Variants in DNAL4 observed in about 807,000 individuals in gnomAD.
DNAL4 encodes dynein axonemal light chain 4.
Under a neutral mutation model 12.6 loss-of-function variants are expected in DNAL4, and 10 were observed. The ratio of observed to expected loss-of-function variants is 0.79; its 90% CI spans 0.49 to 1.34. DNAL4 has a LOEUF of 1.34. Ranked by LOEUF, DNAL4 falls within the 40% of genes most tolerant of loss-of-function variation. The pLI is 0.00. For synonymous variants in DNAL4, 46 were observed against 53.1 expected (o/e 0.87, Z 0.58); for missense variants, 128 against 138.1 (o/e 0.93, Z 0.37).
rs1252541433 is a variant in DNAL4 at position 38,781,168 on chromosome 22, C to G, written c.70-159G>C. On this transcript the variant is annotated intron_variant, in intron 2 of 3. Transcript: ENST00000216068. ...CCATCTCCTGACTGAGGGCCTGCAGCTGGGGCAAAGGCATGGCATGGAGCT... is the reference window on the plus strand; with the variant it reads ...CCATCTCCTGACTGAGGGCCTGCAGGTGGGGCAAAGGCATGGCATGGAGCT... Among the ~76,000 whole-genome samples the G allele has an allele frequency of 2.0e-5, 3 of 152,240 alleles. No homozygotes were observed. The East Asian group carries it at 5.8e-4, about 29-fold the overall frequency.
chr22:38,793,516 A>G (rs1285872845), intron 1 of DNAL4, among the ~76,000 whole-genome samples: 3 of 152,174 alleles, frequency 2.0e-5, no homozygotes, highest in African/African-American at 7.2e-5. Context: ...ATTGGGGAGC[A>G]CATCCTCTCG....
chr22:38,788,663 C>G (rs2146169362), intron 1 of DNAL4, among the ~76,000 whole-genome samples: 1 of 152,310 alleles, frequency 6.6e-6, no homozygotes, highest in African/African-American at 2.4e-5. Context: ...AAGTCACAAC[C>G]ATCACAGCTA....
At chr22:38,781,370 G>A (rs2093034069) in intron 2 of DNAL4, among the ~76,000 whole-genome samples, 1 of 152,222 alleles carries the variant, frequency 6.6e-6, no homozygotes, top group African/African-American at 2.4e-5. Context: ...CGCTCTCTGG[G>A]GCCCCTGGTT....
rs1047034933 is a variant in DNAL4 at position 38,785,346 on chromosome 22, G to A, written c.-139-2476C>T. ...GTTTATCTCTGAGAATTTCAAGGGG[G>A]AACAATGAAAAATGTGGAAGCAGCT... is the stretch of plus-strand genomic sequence containing the variant. On this transcript the variant is annotated intron_variant, in intron 1 of 3. Transcript: ENST00000216068. 3 of 152,190 alleles carry A rather than the reference G, an allele frequency of 2.0e-5. No homozygotes were observed. In the East Asian group the frequency reaches 5.8e-4, roughly 29 times the overall value. The allele number at this position is 152,190 out of a possible 1,614,324, so 9.4% of individuals were successfully genotyped here.
chr22:38,782,797 G>T lies in DNAL4; in HGVS notation c.-66C>A. 1 of 1,485,332 alleles carries T rather than the reference G, an allele frequency of 6.7e-7. No homozygotes were observed. Among genetic ancestry groups the T allele is most frequent in the South Asian group, 1.3e-5 (1 of 78,648 alleles). 92.0% of individuals were successfully genotyped at this position (1,485,332 alleles called of 1,614,324 possible). On this transcript the variant is annotated 5_prime_UTR_variant, in exon 2 of 4. Coordinates refer to ENST00000216068, the MANE Select transcript of DNAL4 (RefSeq NM_005740.3). This position sits in a 1 kb window ranked among gnomAD's most constrained non-coding sequence, Gnocchi z 5.1. ...AGGAGGTGCTGGGACTGGCAGTTAA[G>T]ACACACCCAGGAGATTCAGGAAGCA...
At chr22:38,786,971 G>A (rs2093043175) in intron 1 of DNAL4, among the ~76,000 whole-genome samples, 1 of 152,144 alleles carries the variant, frequency 6.6e-6, no homozygotes, top group South Asian at 2.1e-4. Flanking sequence ...AAATGAATGC[G>A]TTCTGGGAAA....
chr22:38,779,433 G>C lies in DNAL4; in HGVS notation c.*16C>G, dbSNP rs191545066. 5.8e-4 allele frequency: 908 copies of C among 1,560,320 alleles called. 5 individuals are homozygous for C. The African/African-American group carries it at 0.01, about 17-fold the overall frequency. ...CAGGAAAAGGCCCTGCAGGGGACGGGGCAGGGGACAGAGTGTCAGGAGCAC... is the reference window on the plus strand; with the variant it reads ...CAGGAAAAGGCCCTGCAGGGGACGGCGCAGGGGACAGAGTGTCAGGAGCAC... On this transcript the variant is annotated 3_prime_UTR_variant, in exon 4 of 4. Transcript: ENST00000216068. This position sits in a 1 kb window ranked among gnomAD's most constrained non-coding sequence, Gnocchi z 4.3.
intron 3 of DNAL4, 23 bp downstream of exon 3, chr22:38,780,903 G>A (rs769238690): frequency 1.2e-6 from 2 of 1,613,438 alleles, no homozygotes; most frequent in Non-Finnish European, 1.7e-6. Flanking sequence ...AGCACGAGGG[G>A]CCGCCTGCAC....
At chr22:38,780,461 C>T (rs964591472) in intron 3 of DNAL4, among the ~76,000 whole-genome samples, 11 of 152,228 alleles carry the variant, frequency 7.2e-5, no homozygotes, top group Non-Finnish European at 1.0e-4. Flanking sequence ...CACCGGCTGC[C>T]GCAACACTGA....
chr22:38,793,471 T>C (rs1036031891), intron 1 of DNAL4, among the ~76,000 whole-genome samples: 1 of 152,104 alleles, frequency 6.6e-6, no homozygotes, highest in African/African-American at 2.4e-5. Context: ...CAAATTAGGT[T>C]TGCCAAGTTA....
intron 3 of DNAL4, among the ~76,000 whole-genome samples, chr22:38,780,117 A>T (rs2093031998): frequency 6.6e-6 from 1 of 152,046 alleles, no homozygotes; most frequent in South Asian, 2.1e-4. Flanking sequence ...CTCTTTCAAG[A>T]CGTGCCCCCT....
Position 38,782,901 on chromosome 22 carries a change from G to C in DNAL4, c.-139-31C>G. Reference sequence around the variant, plus strand: ...GAAAACAGGAGAAACCAGAAAAAAAGAGCTGGCTTCAAAACCATACATCGC... The same window carrying C: ...GAAAACAGGAGAAACCAGAAAAAAACAGCTGGCTTCAAAACCATACATCGC... On this transcript the variant is annotated intron_variant, in intron 1 of 3. Transcript: ENST00000216068. The surrounding 1 kb of genome is among the most constrained non-coding windows in gnomAD (Gnocchi z 5.1). 1.8e-6 allele frequency: 1 copy of C among 563,972 alleles called. No homozygotes were observed. The highest frequency in any genetic ancestry group is 3.0e-6 in the Non-Finnish European group (1 of 330,586). The allele number at this position is 563,972 out of a possible 1,614,324, so 34.9% of individuals were successfully genotyped here. A position where few individuals can be genotyped will look rare whatever the true frequency, so the allele number is the denominator to read the frequency against.
intron 1 of DNAL4, among the ~76,000 whole-genome samples, chr22:38,788,406 C>T (rs762002904): frequency 1.3e-5 from 2 of 152,104 alleles, no homozygotes; most frequent in Admixed American, 1.3e-4. Flanking sequence ...TTTACGTGGT[C>T]CTTATTTTTT....
intron 1 of DNAL4, among the ~76,000 whole-genome samples, chr22:38,787,462 G>A (rs1326066494): frequency 6.6e-6 from 1 of 151,816 alleles, no homozygotes; most frequent in Non-Finnish European, 1.5e-5. Context: ...GGCTGGTCTC[G>A]AACTCCTGAC....
Position 38,779,434 on chromosome 22 carries a change from G to A in DNAL4, c.*15C>T, listed in dbSNP as rs750166671. ...AGGAAAAGGCCCTGCAGGGGACGGG[G>A]CAGGGGACAGAGTGTCAGGAGCACT... On this transcript the variant is annotated 3_prime_UTR_variant, in exon 4 of 4. Coordinates refer to ENST00000216068, the MANE Select transcript of DNAL4 (RefSeq NM_005740.3). The surrounding 1 kb of genome is among the most constrained non-coding windows in gnomAD (Gnocchi z 4.3). 1.9e-6 allele frequency: 3 copies of A among 1,560,558 alleles called. No homozygotes were observed. The highest frequency in any genetic ancestry group is 1.9e-5 in the Admixed American group (1 of 52,548).
At chr22:38,793,070 T>C (rs1488704323) in intron 1 of DNAL4, among the ~76,000 whole-genome samples, 1 of 152,240 alleles carries the variant, frequency 6.6e-6, no homozygotes, top group African/African-American at 2.4e-5. Flanking sequence ...TAGAAATTTG[T>C]CAGCTCCATT....
chr22:38,784,983 C>G (rs982528223), intron 1 of DNAL4, among the ~76,000 whole-genome samples: 1 of 150,548 alleles, frequency 6.6e-6, no homozygotes, highest in Non-Finnish European at 1.5e-5. Flanking sequence ...AGACCCCCCC[C>G]CCCATCCAAT....
At chr22:38,788,866 C>T (rs1404177525) in intron 1 of DNAL4, among the ~76,000 whole-genome samples, 2 of 152,198 alleles carry the variant, frequency 1.3e-5, no homozygotes, top group South Asian at 2.1e-4. Context: ...ATCTCACAAC[C>T]GATCACGACT....
chr22:38,781,377 G>C (rs2093034087), intron 2 of DNAL4, among the ~76,000 whole-genome samples: 1 of 152,242 alleles, frequency 6.6e-6, no homozygotes, highest in African/African-American at 2.4e-5. Context: ...TGGGGCCCCT[G>C]GTTTTCCTCC....
Sources: allele counts gnomAD v4.1 joint callset (sites outside exome capture counted in the v4.1 genomes callset), GRCh38; gene constraint gnomAD v4.1.1; non-coding constraint Gnocchi (gnomAD v3.1); transcripts MANE v1.5; gene names NCBI Gene and HGNC (gene_info 2026-07-23, HGNC 2026-07-21).